BAHCC1: variants seen among roughly 807,000 people sequenced by gnomAD.
The protein encoded by BAHCC1 is BAH and coiled-coil domain-containing protein 1.
Under a neutral mutation model 88.2 loss-of-function variants are expected in BAHCC1, and 43 were observed. The ratio of observed to expected loss-of-function variants is 0.49; its 90% CI spans 0.38 to 0.63. BAHCC1 has a LOEUF of 0.63. Among genes scored for constraint, BAHCC1 ranks in the 20% least tolerant of loss-of-function variants. BAHCC1 has a pLI of 0.00. For missense variants in BAHCC1, 3,023 were observed against 1,654.8 expected (o/e 1.83, Z -14.34); for synonymous variants, 1,510 against 745.5 (o/e 2.03, Z -16.71).
chr17:81,450,409 C>T (rs1443090887), intron 11 of BAHCC1, among the ~76,000 whole-genome samples: 1 of 152,188 alleles, frequency 6.6e-6, no homozygotes, highest in African/African-American at 2.4e-5. Flanking sequence ...CTGGCCCATG[C>T]TCTGACCCCA....
intron 1 of BAHCC1, among the ~76,000 whole-genome samples, chr17:81,398,723 C>G (rs1356406725): frequency 6.6e-6 from 1 of 152,196 alleles, no homozygotes; most frequent in Non-Finnish European, 1.5e-5. Context: ...TCCGGGACAG[C>G]AGGCCGGGCA....
In BAHCC1 at chr17:81,461,516, G is replaced by A. The variant is rs782029734; in HGVS notation, c.6853G>A (p.Asp2285Asn). The A allele has an allele frequency of 2.4e-5, 18 of 739,108 alleles. No individual in the cohort carries two copies. The highest frequency in any genetic ancestry group is 3.8e-5 in the Non-Finnish European group (15 of 397,556). The allele number at this position is 739,108 out of a possible 1,614,324, so 45.8% of individuals were successfully genotyped here. A position where few individuals can be genotyped will look rare whatever the true frequency, so the allele number is the denominator to read the frequency against. Residue 2285 changes from aspartate to asparagine, a missense_variant, in exon 26 of 28, where the codon GAC becomes AAC. By Grantham distance (23) the Asp-to-Asn change is conservative. Coordinates refer to ENST00000675386, the MANE Select transcript of BAHCC1 (RefSeq NM_001377448.1). ...AGQAEFPLPY[D>N]SDCHSSFSDE... The stretch of plus-strand genomic sequence containing the variant: ...CCAGGCAGAGTTCCCGCTGCCCTAC[G>A]ACAGCGACTGCCACAGCTCCTTCTC...
rs1434199883 is a variant in BAHCC1, at chr17:81,410,941, A to G, written c.178+11024A>G. ...CGCTCATCAAACACTCTGCTCCCCC[A>G]GGGCGGGTCTCAGACCTCTCTAGGT... On this transcript the variant is annotated intron_variant, in intron 2 of 27. Coordinates refer to ENST00000675386, the MANE Select transcript of BAHCC1 (RefSeq NM_001377448.1). 2.0e-5 allele frequency among the ~76,000 whole-genome samples: 3 copies of G among 152,182 alleles called. No homozygotes were observed. In the East Asian group the frequency reaches 5.8e-4, roughly 29 times the overall value.
rs562201041 is a variant in BAHCC1, at chr17:81,460,606, G to A, written c.6102G>A (p.Pro2034=). 86 of 769,660 alleles carry A rather than the reference G, an allele frequency of 1.1e-4. 1 individual carries two copies. Among genetic ancestry groups the A allele is most frequent in the South Asian group, 4.4e-4 (32 of 73,062 alleles). The allele number at this position is 769,660 out of a possible 1,614,324, so 47.7% of individuals were successfully genotyped here. The part of the protein sequence containing the change: ...RTKKVSSEAP[P]PSEAATPSLS... ...AGAAGGTATCCAGTGAGGCACCCCC[G>A]CCTAGTGAAGCCGCCACCCCCAGCC... is the stretch of plus-strand genomic sequence containing the variant. The change falls in exon 25 of 28, where the codon CCG becomes CCA. Residue 2034 remains proline, a synonymous_variant. Coordinates refer to ENST00000675386, the MANE Select transcript of BAHCC1 (RefSeq NM_001377448.1).
rs568126467 is a variant in BAHCC1 at position 81,447,147 on chromosome 17, G to C, written c.3275G>C (p.Gly1092Ala). 2.6e-6 allele frequency: 2 copies of C among 778,346 alleles called. No homozygotes were observed. Among genetic ancestry groups the C allele is most frequent in the Middle Eastern group, 2.2e-4 (1 of 4,458 alleles). 48.2% of individuals were successfully genotyped at this position (778,346 alleles called of 1,614,324 possible). Residue 1092 changes from glycine to alanine, a missense_variant, in exon 11 of 28, where the codon GGG becomes GCG. Transcript: ENST00000675386. Reference protein sequence around the residue: ...DPETMQTTAPGAQPEPTRTFL... With the variant: ...DPETMQTTAPAAQPEPTRTFL... ...GAAACTATGCAAACCACCGCCCCGGGGGCCCAGCCTGAGCCCACAAGGACA... is the reference window on the plus strand; with the variant it reads ...GAAACTATGCAAACCACCGCCCCGGCGGCCCAGCCTGAGCCCACAAGGACA...
At chr17:81,455,786 C>A (rs998048503) in intron 15 of BAHCC1, among the ~76,000 whole-genome samples, 19 of 152,216 alleles carry the variant, frequency 1.2e-4, no homozygotes, top group African/African-American at 4.6e-4. Flanking sequence ...TGTGGGGGGG[C>A]TCCCCACGCT....
chr17:81,443,147 C>G lies in BAHCC1; in HGVS notation c.1798C>G (p.Arg600Gly). 1 of 778,198 alleles carries G rather than the reference C, an allele frequency of 1.3e-6. No homozygotes were observed. The highest frequency in any genetic ancestry group is 1.3e-5 in the South Asian group (1 of 74,558). The allele number at this position is 778,198 out of a possible 1,614,324, so 48.2% of individuals were successfully genotyped here. ...QGTAMAISEE[R>G]KAGAYLDPFG... ...CACCGCCATGGCCATCAGCGAGGAG[C>G]GCAAGGCTGGCGCCTACCTGGACCC... The change falls in exon 5 of 28, where the codon CGC (arginine) becomes GGC (glycine). Residue 600 changes from arginine to glycine, a missense_variant. By Grantham distance (125) the Arg-to-Gly change is moderately radical. Transcript: ENST00000675386.
intron 11 of BAHCC1, among the ~76,000 whole-genome samples, chr17:81,449,734 TGA>T (rs1231958182): frequency 1.5e-5 from 2 of 136,970 alleles, no homozygotes; most frequent in East Asian, 4.4e-4. Context: ...CCCAGCAGCC[TGA>T]GTGTTCCCTT....
rs1197913205 is a variant in BAHCC1, at chr17:81,461,704, C to T, written c.7041C>T (p.Tyr2347=). 7 of 720,042 alleles carry T rather than the reference C, an allele frequency of 9.7e-6. No individual in the cohort carries two copies. The Admixed American group carries it at 1.4e-4, about 14-fold the overall frequency. The allele number at this position is 720,042 out of a possible 1,614,324, so 44.6% of individuals were successfully genotyped here. ...LCSSDNEDSS[Y]SSDDEDPALL... ...CCTCCGACAACGAGGACTCGTCCTA[C>T]AGCTCAGACGACGAGGACCCGGCTC... Residue 2347 remains tyrosine (Y), a synonymous_variant, in exon 26 of 28, where the codon TAC becomes TAT. Coordinates refer to ENST00000675386, the MANE Select transcript of BAHCC1 (RefSeq NM_001377448.1).
chr17:81,458,265 G>T lies in BAHCC1; in HGVS notation c.5142G>T (p.Arg1714Ser), dbSNP rs370941292. 1.6e-5 allele frequency: 12 copies of T among 746,042 alleles called. No individual in the cohort carries two copies. The highest frequency in any genetic ancestry group is 3.0e-5 in the Non-Finnish European group (12 of 402,032). 46.2% of individuals were successfully genotyped at this position (746,042 alleles called of 1,614,324 possible). ...GTTLERAPGQ[R>S]PPGALGKKKA... ...CCCTGGAGCGGGCCCCAGGGCAGAG[G>T]CCCCCAGGTGCGCTGGGCAAGAAGA... Residue 1714 changes from arginine to serine, a missense_variant, in exon 18 of 28, where the codon AGG becomes AGT. Coordinates refer to ENST00000675386, the MANE Select transcript of BAHCC1 (RefSeq NM_001377448.1).
intron 6 of BAHCC1, 134 bp downstream of exon 6, chr17:81,444,051 C>T (rs2064475685): frequency 9.5e-6 from 6 of 632,596 alleles, no homozygotes; most frequent in Non-Finnish European, 1.4e-5. Flanking sequence ...GGGTGGGGTT[C>T]TCCCCACCCC....
rs1388905486 is a variant in BAHCC1, at chr17:81,426,840, C to G, written c.219C>G (p.Phe73Leu). The G allele has an allele frequency of 5.0e-5, 20 of 399,606 alleles. No homozygotes were observed. The highest frequency in any genetic ancestry group is 3.1e-4 in the African/African-American group (15 of 48,710). The allele number at this position is 399,606 out of a possible 1,614,324, so 24.8% of individuals were successfully genotyped here. The change falls in exon 3 of 28, where the codon TTC (phenylalanine) becomes TTG (leucine). Residue 73 changes from phenylalanine (F) to leucine (L), a missense_variant. By Grantham distance (22) the Phe-to-Leu change is conservative (BLOSUM62 0). Coordinates refer to ENST00000675386, the MANE Select transcript of BAHCC1 (RefSeq NM_001377448.1). ...TGGGAAGTTCTCCGGCCTCCTCGTTCATGGGCAGTTTCCTCACCAGCAGCC... is the reference window on the plus strand; with the variant it reads ...TGGGAAGTTCTCCGGCCTCCTCGTTGATGGGCAGTTTCCTCACCAGCAGCC... ...RLMGSSPASS[F>L]MGSFLTSSLG...
rs1555660510 is a variant in BAHCC1, at chr17:81,465,338, T to G, written c.*1521T>G. On this transcript the variant is annotated 3_prime_UTR_variant, in exon 28 of 28. Coordinates refer to ENST00000675386, the MANE Select transcript of BAHCC1 (RefSeq NM_001377448.1). ...TAGAATGAGGGTCCCCCTGACCACC[T>G]GAGCCCAAATCCTGGCCCCAGGTGC... The G allele has an allele frequency of 2.0e-5, 3 of 152,198 alleles. No homozygotes were observed. Among genetic ancestry groups the G allele is most frequent in the Non-Finnish European group, 4.4e-5 (3 of 68,048 alleles). 9.4% of individuals were successfully genotyped at this position (152,198 alleles called of 1,614,324 possible). A position where few individuals can be genotyped will look rare whatever the true frequency, so the allele number is the denominator to read the frequency against.
chr17:81,404,321 G>A (rs999653576), intron 2 of BAHCC1, among the ~76,000 whole-genome samples: 5 of 152,290 alleles, frequency 3.3e-5, no homozygotes, highest in South Asian at 4.1e-4. Context: ...TCTCTCTTAC[G>A]GGAACTTGGT....
At chr17:81,433,545 C>T (rs1170167754) in intron 3 of BAHCC1, among the ~76,000 whole-genome samples, 2 of 146,846 alleles carry the variant, frequency 1.4e-5, no homozygotes, top group South Asian at 2.2e-4. Flanking sequence ...ATCAGTCCAC[C>T]GAGGCCCCTC....
At chr17:81,448,244 C>T (rs2064570370) in intron 11 of BAHCC1, among the ~76,000 whole-genome samples, 1 of 152,204 alleles carries the variant, frequency 6.6e-6, no homozygotes, top group African/African-American at 2.4e-5. Flanking sequence ...GCTACCCTGG[C>T]CTGGGGGGTC....
rs912994870 is a variant in BAHCC1, at chr17:81,428,417, C to T, written c.358+1438C>T. Among the ~76,000 whole-genome samples the T allele has an allele frequency of 5.1e-4, 77 of 152,322 alleles. No homozygotes were observed. In the Middle Eastern group the frequency reaches 0.01, roughly 20 times the overall value. ...GCCGTGGTGAACCCCCCACAACAGACGCAACGGCCGCTGCCTGGTCCTGGC... is the reference window on the plus strand; with the variant it reads ...GCCGTGGTGAACCCCCCACAACAGATGCAACGGCCGCTGCCTGGTCCTGGC... On this transcript the variant is annotated intron_variant, in intron 3 of 27. Coordinates refer to ENST00000675386, the MANE Select transcript of BAHCC1 (RefSeq NM_001377448.1).
intron 12 of BAHCC1, 36 bp from the exon 13 acceptor site, chr17:81,451,935 G>GGCCCGGCTCACAGGCCCCTGT (rs2064643141): frequency 3.2e-6 from 2 of 631,026 alleles, no homozygotes; most frequent in South Asian, 3.6e-5. Context: ...CCTGGGCCCT[G>GGCCCGGCTCACAGGCCCCTGT]GCCCGGCTCA....
At position 81,444,449 on chromosome 17, in the gene BAHCC1, C is replaced by G. The variant is rs782385822; in HGVS notation, c.2393C>G (p.Pro798Arg). The change falls in exon 7 of 28, where the codon CCC (proline) becomes CGC (arginine). Residue 798 changes from proline to arginine, a missense_variant. Transcript: ENST00000675386. ...AGCAGCTGCCCTGGGGACCTGGCCC[C>G]CCACCTCATGATGCAGAGCGGCCAG... ...PPSSCPGDLA[P>R]HLMMQSGQLG... is the part of the protein sequence containing the mutation. 1 of 741,502 alleles carries G rather than the reference C, an allele frequency of 1.3e-6. No individual in the cohort carries two copies. The highest frequency in any genetic ancestry group is 1.4e-5 in the South Asian group (1 of 69,012). The allele number at this position is 741,502 out of a possible 1,614,324, so 45.9% of individuals were successfully genotyped here.
Sources: allele counts gnomAD v4.1 joint callset (sites outside exome capture counted in the v4.1 genomes callset), GRCh38; gene constraint gnomAD v4.1.1; transcripts MANE v1.5; gene names NCBI Gene and HGNC (gene_info 2026-07-23, HGNC 2026-07-21).